PDE9A: variants seen among roughly 807,000 people sequenced by gnomAD.
The protein encoded by PDE9A is phosphodiesterase 9A.
A neutral mutation model predicts 87.4 loss-of-function variants in PDE9A; 60 were observed. That is an observed-to-expected ratio of 0.69 (90% CI 0.56 to 0.85). PDE9A has a LOEUF of 0.85. PDE9A is among the 40% of genes least tolerant of loss of function. PDE9A has a pLI of 0.00. For synonymous variants in PDE9A, 272 were observed against 279.4 expected (o/e 0.97, Z 0.27); for missense variants, 665 against 779.0 (o/e 0.85, Z 1.74).
intron 17 of PDE9A, among the ~76,000 whole-genome samples, chr21:42,769,783 C>T (rs1012553839): frequency 8.0e-6 from 1 of 125,034 alleles, no homozygotes; most frequent in Non-Finnish European, 1.7e-5. Flanking sequence ...CACAGGTACA[C>T]ACAGGCACAC....
chr21:42,772,438 G>C lies in PDE9A; in HGVS notation c.1687-1G>C, dbSNP rs2057107940. On this transcript the variant is annotated splice_acceptor_variant, in intron 18 of 19. Coordinates refer to ENST00000291539, the MANE Select transcript of PDE9A (RefSeq NM_002606.3). LOFTEE classifies it high-confidence loss of function. Reference sequence around the variant, plus strand: ...TTGGCCTTCTCTGTACTCTGTTCCAGTTACAGAAGAAGACTGACAGCTTGA... The same window carrying C: ...TTGGCCTTCTCTGTACTCTGTTCCACTTACAGAAGAAGACTGACAGCTTGA... 2 of 1,604,346 alleles carry C rather than the reference G, an allele frequency of 1.2e-6. No homozygotes were observed. Among genetic ancestry groups the C allele is most frequent in the Non-Finnish European group, 8.5e-7 (1 of 1,174,052 alleles).
intron 7 of PDE9A, among the ~76,000 whole-genome samples, chr21:42,735,557 G>T (rs2052311482): frequency 6.6e-6 from 1 of 152,196 alleles, no homozygotes; most frequent in Non-Finnish European, 1.5e-5. Context: ...GAACCTTGTG[G>T]TTCCCAGCAA....
Position 42,702,678 on chromosome 21 carries a change from T to A in PDE9A, c.262+3667T>A, listed in dbSNP as rs1010964356. ...GCCCCACCTTTAAGCTTTGTGAGAA[T>A]GGCTCTAGAGGGCCCTTACCCCAGG... On this transcript the variant is annotated intron_variant, in intron 4 of 19. Coordinates refer to ENST00000291539, the MANE Select transcript of PDE9A (RefSeq NM_002606.3). This position sits in a 1 kb window ranked among gnomAD's most constrained non-coding sequence, Gnocchi z 4.9. 6.6e-6 allele frequency among the ~76,000 whole-genome samples: 1 copy of A among 152,272 alleles called. No homozygotes were observed. Among genetic ancestry groups the A allele is most frequent in the African/African-American group, 2.4e-5 (1 of 41,476 alleles).
intron 4 of PDE9A, among the ~76,000 whole-genome samples, chr21:42,717,130 A>G (rs916549285): frequency 8.6e-5 from 13 of 151,550 alleles, no homozygotes; most frequent in Admixed American, 8.6e-4. Context: ...TAGTTTTTTA[A>G]TAGTTGCCTA....
chr21:42,754,136 C>T (rs2054754078), intron 10 of PDE9A, 72 bp downstream of exon 10: 6 of 814,316 alleles, frequency 7.4e-6, no homozygotes, highest in Non-Finnish European at 1.0e-5. Flanking sequence ...AGTGGGACCA[C>T]CCCCATCGCT....
intron 3 of PDE9A, among the ~76,000 whole-genome samples, chr21:42,691,990 C>T (rs2146251631): frequency 1.3e-5 from 2 of 152,370 alleles, no homozygotes; most frequent in Middle Eastern, 3.4e-3. Flanking sequence ...CCCAACCTGT[C>T]ACCATCAGCA....
rs1004678751 is a variant in PDE9A at position 42,692,959 on chromosome 21, C to T, written c.218+4965C>T. Among the ~76,000 whole-genome samples the T allele has an allele frequency of 1.3e-5, 2 of 152,230 alleles. No individual in the cohort carries two copies. Among genetic ancestry groups the T allele is most frequent in the Non-Finnish European group, 2.9e-5 (2 of 68,040 alleles). On this transcript the variant is annotated intron_variant, in intron 3 of 19. Transcript: ENST00000291539. The surrounding 1 kb of genome is among the most constrained non-coding windows in gnomAD (Gnocchi z 4.3). ...CCCGGCCGCATGCTGCAGCCATTCC[C>T]TCACCACATGTCCAGGAGGGAGCCG... is the stretch of plus-strand genomic sequence containing the variant.
intron 7 of PDE9A, among the ~76,000 whole-genome samples, chr21:42,742,014 A>C (rs1239630935): frequency 2.6e-5 from 4 of 151,668 alleles, no homozygotes; most frequent in Admixed American, 1.3e-4. Context: ...TTATGAACCA[A>C]CTCTAATTGA....
chr21:42,737,787 A>G (rs190594149), intron 7 of PDE9A, among the ~76,000 whole-genome samples: 3 of 152,274 alleles, frequency 2.0e-5, no homozygotes, highest in Admixed American at 2.0e-4. Context: ...GAGTTAAAGG[A>G]TTCATCCACT....
intron 1 of PDE9A, among the ~76,000 whole-genome samples, chr21:42,685,566 A>G (rs1467576720): frequency 2.0e-5 from 3 of 147,184 alleles, no homozygotes; most frequent in Non-Finnish European, 3.0e-5. Flanking sequence ...TCCCTGGCTC[A>G]AGCGATTCTC....
intron 1 of PDE9A, among the ~76,000 whole-genome samples, chr21:42,663,456 C>A (rs748187970): frequency 1.3e-5 from 2 of 152,178 alleles, no homozygotes; most frequent in African/African-American, 4.8e-5. Context: ...AGAAGGCACC[C>A]GTCTTCGCAG....
At chr21:42,665,309 C>T (rs1165302087) in intron 1 of PDE9A, among the ~76,000 whole-genome samples, 2 of 152,192 alleles carry the variant, frequency 1.3e-5, no homozygotes, top group African/African-American at 4.8e-5. Context: ...TTTCATGTCA[C>T]CCAGTTTGTG....
intron 7 of PDE9A, among the ~76,000 whole-genome samples, chr21:42,740,755 G>GGATA (rs58917556): frequency 0.45 from 63,570 of 139,860 alleles, 14,429 homozygotes; most frequent in East Asian, 0.48. Flanking sequence ...TAGATAAACA[G>GGATA]GATAGATAGA....
intron 1 of PDE9A, among the ~76,000 whole-genome samples, chr21:42,673,062 T>TA (rs1374432521): frequency 9.2e-5 from 14 of 152,022 alleles, no homozygotes; most frequent in South Asian, 2.1e-4. Context: ...CTCAACGGAG[T>TA]AAGTAATGTG....
intron 4 of PDE9A, among the ~76,000 whole-genome samples, chr21:42,709,645 T>C (rs1252705091): frequency 6.6e-6 from 1 of 152,142 alleles, no homozygotes; most frequent in Non-Finnish European, 1.5e-5. Context: ...GTGTCTGGAC[T>C]CTTTCACTCA....
intron 19 of PDE9A, 34 bp downstream of exon 19, chr21:42,772,554 G>A (rs370601212): frequency 3.5e-5 from 48 of 1,364,950 alleles, no homozygotes; most frequent in East Asian, 7.1e-5. Context: ...GCATCTCAGC[G>A]CATACAATGA....
rs1042429942 is a variant in PDE9A at position 42,696,108 on chromosome 21, A to G, written c.219-2860A>G. Among the ~76,000 whole-genome samples the G allele has an allele frequency of 2.6e-5, 4 of 152,186 alleles. No homozygotes were observed. The South Asian group carries it at 8.3e-4, about 32-fold the overall frequency. Reference sequence around the variant, plus strand: ...AGAGGCTGGCCTCTGAATTGGTTGAATGGGCTTGAAGGGGGCTGGACTCCA... The same window carrying G: ...AGAGGCTGGCCTCTGAATTGGTTGAGTGGGCTTGAAGGGGGCTGGACTCCA... On this transcript the variant is annotated intron_variant, in intron 3 of 19. Coordinates refer to ENST00000291539, the MANE Select transcript of PDE9A (RefSeq NM_002606.3). This position sits in a 1 kb window ranked among gnomAD's most constrained non-coding sequence, Gnocchi z 5.1.
At chr21:42,738,767 C>A (rs2052763314) in intron 7 of PDE9A, among the ~76,000 whole-genome samples, 1 of 152,160 alleles carries the variant, frequency 6.6e-6, no homozygotes, top group Non-Finnish European at 1.5e-5. Flanking sequence ...CCCACTGCAA[C>A]CTCCACCTCC....
intron 15 of PDE9A, among the ~76,000 whole-genome samples, chr21:42,766,207 G>A (rs1264138783): frequency 6.6e-6 from 1 of 152,186 alleles, no homozygotes; most frequent in African/African-American, 2.4e-5. Flanking sequence ...GCATATCTGT[G>A]GTCCCAACTG....
Sources: allele counts gnomAD v4.1 joint callset (sites outside exome capture counted in the v4.1 genomes callset), GRCh38; gene constraint gnomAD v4.1.1; non-coding constraint Gnocchi (gnomAD v3.1); transcripts MANE v1.5; gene names NCBI Gene and HGNC (gene_info 2026-07-23, HGNC 2026-07-21).